Variants in CDH18 observed in about 807,000 individuals in gnomAD.
CDH18 encodes the protein cadherin 18.
In CDH18, 31 loss-of-function variants were observed where a neutral mutation model predicts 67.9. The ratio of observed to expected loss-of-function variants is 0.46; its 90% confidence interval spans 0.34 to 0.62. The LOEUF (loss-of-function observed/expected upper bound fraction) is 0.62. Ranked by LOEUF, CDH18 falls within the 20% of genes least tolerant of loss-of-function variation. The pLI, the probability that CDH18 is intolerant of heterozygous loss-of-function variation, is 0.01. For synonymous variants in CDH18, 362 were observed against 347.2 expected, an observed-to-expected ratio of 1.04 and a Z score of -0.48; for missense variants, 890 against 975.5, an observed-to-expected ratio of 0.91 and a Z score of 1.17.
chr5:20,526,503 G>C (rs546581877), intron 1 of CDH18, among the ~76,000 whole-genome samples: 3 of 152,172 alleles, frequency 2.0e-5, no homozygotes, highest in East Asian at 3.9e-4. Context: ...TCATATGGGA[G>C]AGCTCTGGCT....
At chr5:19,974,254 T>A (rs188755221) in intron 2 of CDH18, among the ~76,000 whole-genome samples, 1 of 151,986 alleles carries the variant, frequency 6.6e-6, no homozygotes, top group East Asian at 1.9e-4. Flanking sequence ...GTGTTGTCCC[T>A]GGATGTGTTT....
At chr5:20,335,306 C>A (rs1739620887) in intron 1 of CDH18, among the ~76,000 whole-genome samples, 1 of 152,196 alleles carries the variant, frequency 6.6e-6, no homozygotes, top group African/African-American at 2.4e-5. Context: ...CCCACATATT[C>A]ACACAGTTAA....
intron 5 of CDH18, among the ~76,000 whole-genome samples, chr5:19,666,010 A>C (rs2150329715): frequency 6.6e-6 from 1 of 152,088 alleles, no homozygotes; most frequent in African/African-American, 2.4e-5. Context: ...AGAATGTAAC[A>C]ATGACATTTA....
chr5:19,849,521 T>C (rs1783400978), intron 2 of CDH18, among the ~76,000 whole-genome samples: 1 of 151,542 alleles, frequency 6.6e-6, no homozygotes, highest in Non-Finnish European at 1.5e-5. Flanking sequence ...GCCATAAATG[T>C]ACGCTTTGTG....
chr5:20,442,984 C>T (rs1280495905), intron 1 of CDH18, among the ~76,000 whole-genome samples: 4 of 151,000 alleles, frequency 2.6e-5, no homozygotes, highest in South Asian at 2.1e-4. Flanking sequence ...CCGAGGCGGG[C>T]GGATCACGAG....
chr5:20,376,841 AC>A (rs1562014807), intron 1 of CDH18, among the ~76,000 whole-genome samples: 2 of 151,832 alleles, frequency 1.3e-5, no homozygotes, highest in East Asian at 3.9e-4. Context: ...ACATGGTGAA[AC>A]CCCATCTCTA....
chr5:19,873,918 G>T (rs1236124044), intron 2 of CDH18, among the ~76,000 whole-genome samples: 1 of 152,038 alleles, frequency 6.6e-6, no homozygotes, highest in Non-Finnish European at 1.5e-5. Context: ...AAAGTGCTGG[G>T]ATTACAGGCA....
intron 1 of CDH18, among the ~76,000 whole-genome samples, chr5:20,317,103 G>A (rs1269482390): frequency 1.3e-5 from 2 of 151,914 alleles, no homozygotes; most frequent in Admixed American, 6.6e-5. Flanking sequence ...TTTTGTTCAA[G>A]ATGTACTATT....
intron 2 of CDH18, among the ~76,000 whole-genome samples, chr5:19,953,370 C>T (rs1376247969): frequency 6.6e-6 from 1 of 151,958 alleles, no homozygotes; most frequent in Non-Finnish European, 1.5e-5. Context: ...AACTAGAGTA[C>T]TGCTTATTGT....
chr5:19,586,230 C>A (rs1055984193), intron 7 of CDH18, among the ~76,000 whole-genome samples: 5 of 151,820 alleles, frequency 3.3e-5, no homozygotes, highest in African/African-American at 7.3e-5. Flanking sequence ...AGTTCAGTGG[C>A]ACATGTGCAG....
intron 5 of CDH18, among the ~76,000 whole-genome samples, chr5:19,720,511 C>T (rs773983536): frequency 6.6e-6 from 1 of 152,056 alleles, no homozygotes; most frequent in Admixed American, 6.5e-5. Flanking sequence ...TTTTACTTAA[C>T]CAAATTTTTA....
chr5:20,558,897 T>C (rs1238204130), intron 1 of CDH18, among the ~76,000 whole-genome samples: 1 of 151,862 alleles, frequency 6.6e-6, no homozygotes, highest in Non-Finnish European at 1.5e-5. Flanking sequence ...GGGTTTCTCA[T>C]TGCTTGAAAT....
chr5:20,405,684 C>T lies in CDH18; in HGVS notation c.-579-150179G>A, dbSNP rs531909400. ...AATGGGAGAAAATTTTTGCAATCTA[C>T]TCATCTGACAAAGGGCTAATATCCA... is the stretch of plus-strand genomic sequence containing the variant. On this transcript the variant is annotated intron_variant, in intron 1 of 14. Transcript: ENST00000507958. Among the ~76,000 whole-genome samples the T allele has an allele frequency of 7.2e-5, 11 of 152,192 alleles. No individual in the cohort carries two copies. In the South Asian group the frequency reaches 2.1e-3, roughly 29 times the overall value.
rs1450899237 is a variant in CDH18 at position 19,472,072 on chromosome 5, T to A, written c.*1154A>T. ...TGTGAATCTCCTTTTTTGCTCCTAG[T>A]CCTACACATTTTCCTGTTGATACCA... On this transcript the variant is annotated 3_prime_UTR_variant, in exon 13 of 13. Coordinates refer to ENST00000382275, the MANE Select transcript of CDH18 (RefSeq NM_004934.5). Among the ~76,000 whole-genome samples the A allele has an allele frequency of 6.6e-6, 1 of 152,070 alleles. No homozygotes were observed. The highest frequency in any genetic ancestry group is 2.4e-5 in the African/African-American group (1 of 41,414).
rs760613555 is a variant in CDH18, at chr5:19,612,546, G to A, written c.699C>T (p.Ser233=). The A allele has an allele frequency of 9.9e-6, 16 of 1,613,704 alleles. No homozygotes were observed. Among genetic ancestry groups the A allele is most frequent in the Middle Eastern group, 1.6e-4 (1 of 6,084 alleles). ...CCATGTCTTTGGCTTGAATGACTACGGAGTAATGTTCTCTGGCTTCTCTGT... is the reference window on the plus strand; with the variant it reads ...CCATGTCTTTGGCTTGAATGACTACAGAGTAATGTTCTCTGGCTTCTCTGT... ...NMDREAREHY[S]VVIQAKDMAG... Residue 233 remains serine, a synonymous_variant, in exon 6 of 13, where the codon TCC becomes TCT. Coordinates refer to ENST00000382275, the MANE Select transcript of CDH18 (RefSeq NM_004934.5).
Position 19,664,600 on chromosome 5 carries a change from C to T in CDH18, c.644-51999G>A, listed in dbSNP as rs1315565845. Among the ~76,000 whole-genome samples the T allele has an allele frequency of 0.011, 8 of 696 alleles. No individual in the cohort carries two copies. The East Asian group carries it at 0.19, about 16-fold the overall frequency. The allele number at this position is 696 out of a possible 152,430, so 0.5% of individuals were successfully genotyped here. On this transcript the variant is annotated intron_variant, in intron 5 of 12. Coordinates refer to ENST00000382275, the MANE Select transcript of CDH18 (RefSeq NM_004934.5). Reference sequence around the variant, plus strand: ...AACAACCCAAATATATATGCAAAGACGTTAAAATATTTAGTTAAATATAAA... The same window carrying T: ...AACAACCCAAATATATATGCAAAGATGTTAAAATATTTAGTTAAATATAAA...
At chr5:20,419,267 C>G (rs1436849703) in intron 1 of CDH18, among the ~76,000 whole-genome samples, 1 of 151,922 alleles carries the variant, frequency 6.6e-6, no homozygotes, top group Non-Finnish European at 1.5e-5. Flanking sequence ...CTCTGTAAGT[C>G]CAATTAAACC....
chr5:19,509,256 T>A (rs1744735607), intron 10 of CDH18, among the ~76,000 whole-genome samples: 1 of 151,822 alleles, frequency 6.6e-6, no homozygotes, highest in South Asian at 2.1e-4. Context: ...CAAAGGAACA[T>A]AAAGATGAAA....
chr5:20,414,272 C>A (rs972841616), intron 1 of CDH18, among the ~76,000 whole-genome samples: 2 of 147,954 alleles, frequency 1.4e-5, no homozygotes, highest in Admixed American at 6.8e-5. Flanking sequence ...GTCTTGGAAT[C>A]ACCCCAGGTG....
Sources: gnomAD v4.1 joint callset for allele counts (sites outside exome capture counted in the v4.1 genomes callset) on GRCh38, gnomAD v4.1.1 for gene constraint, MANE v1.5 for transcripts, NCBI Gene and HGNC (gene_info 2026-07-23, HGNC 2026-07-21) for gene names.